Variants in PXN observed in about 807,000 individuals in gnomAD.
PXN encodes paxillin, also known as testicular tissue protein Li 134.
A neutral mutation model predicts 103.6 loss-of-function variants in PXN; 61 were observed. That is an observed-to-expected ratio of 0.59 (90% CI 0.48 to 0.73). The LOEUF is 0.73. Ranked by LOEUF, PXN falls within the 30% of genes least tolerant of loss-of-function variation. The pLI is 0.00. For synonymous variants in PXN, 562 were observed against 607.8 expected (o/e 0.92, Z 1.11); for missense variants, 1,274 against 1,460.3 (o/e 0.87, Z 2.08).
At chr12:120,263,114 C>A (rs773652985) in intron 1 of PXN, among the ~76,000 whole-genome samples, 1 of 152,122 alleles carries the variant, frequency 6.6e-6, no homozygotes, top group Non-Finnish European at 1.5e-5. Flanking sequence ...AGGAGGCACA[C>A]GGCTGAGAGC....
chr12:120,210,973 T>G lies in PXN; in HGVS notation c.*1341A>C, dbSNP rs1252595721. 16 of 152,598 alleles carry G rather than the reference T, an allele frequency of 1.0e-4. No individual in the cohort carries two copies. Among genetic ancestry groups the G allele is most frequent in the Non-Finnish European group, 2.1e-4 (14 of 68,154 alleles). The allele number at this position is 152,598 out of a possible 1,614,324, so 9.5% of individuals were successfully genotyped here. On this transcript the variant is annotated 3_prime_UTR_variant, in exon 15 of 15. Coordinates refer to ENST00000637617, the MANE Select transcript of PXN (RefSeq NM_001385981.1). ...CCACCTGTGAAAGGGGAGGAGCAGATCTGGGGAAGGGATATGCCCAGAGGA... is the reference window on the plus strand; with the variant it reads ...CCACCTGTGAAAGGGGAGGAGCAGAGCTGGGGAAGGGATATGCCCAGAGGA...
chr12:120,230,926 C>T (rs1471912037), intron 1 of PXN, among the ~76,000 whole-genome samples: 1 of 152,202 alleles, frequency 6.6e-6, no homozygotes, highest in African/African-American at 2.4e-5. Context: ...TGTCAACTGT[C>T]TCCTCTCCAA....
intron 1 of PXN, among the ~76,000 whole-genome samples, chr12:120,230,100 A>C (rs1164445339): frequency 6.6e-6 from 1 of 152,120 alleles, no homozygotes; most frequent in African/African-American, 2.4e-5. Flanking sequence ...CTGCAGGCCA[A>C]TTTCACTCAG....
At chr12:120,252,394 A>G (rs946688353) in intron 1 of PXN, among the ~76,000 whole-genome samples, 3 of 152,178 alleles carry the variant, frequency 2.0e-5, no homozygotes, top group Admixed American at 1.3e-4. Flanking sequence ...GAGGGTCAAC[A>G]GGCTGGTTAG....
At chr12:120,246,081 C>G (rs1891052978) in intron 1 of PXN, among the ~76,000 whole-genome samples, 1 of 149,860 alleles carries the variant, frequency 6.7e-6, no homozygotes, top group Non-Finnish European at 1.5e-5. Flanking sequence ...AAAAAATACT[C>G]AATGAATCTA....
In PXN at chr12:120,215,034, C is replaced by T; in HGVS notation, c.2575-36G>A. On this transcript the variant is annotated intron_variant, in intron 11 of 14. Transcript: ENST00000637617. This position sits in a 1 kb window ranked among gnomAD's most constrained non-coding sequence, Gnocchi z 4.9. ...GATGGAATGCGGTCCAGGGCCAAGG[C>T]CAGCCCCGGAGCACCCCCACCCCTG... 1 of 1,605,956 alleles carries T rather than the reference C, an allele frequency of 6.2e-7. No homozygotes were observed. Among genetic ancestry groups the T allele is most frequent in the Non-Finnish European group, 8.5e-7 (1 of 1,176,234 alleles).
Position 120,224,412 on chromosome 12 carries a change from C to T in PXN, c.14-35G>A, listed in dbSNP as rs555015198. ...GAAGGCACGGGTAGCAGGTGAGAACCGGGATCCTGGGGACTCTCCCGTGGC... is the reference window on the plus strand; with the variant it reads ...GAAGGCACGGGTAGCAGGTGAGAACTGGGATCCTGGGGACTCTCCCGTGGC... On this transcript the variant is annotated intron_variant, in intron 1 of 14. Coordinates refer to ENST00000637617, the MANE Select transcript of PXN (RefSeq NM_001385981.1). This position sits in a 1 kb window ranked among gnomAD's most constrained non-coding sequence, Gnocchi z 5.0. 28 of 1,534,744 alleles carry T rather than the reference C, an allele frequency of 1.8e-5. No homozygotes were observed. The East Asian group carries it at 2.7e-4, about 15-fold the overall frequency.
At position 120,212,169 on chromosome 12, in the gene PXN, G is replaced by A; in HGVS notation, c.*145C>T. 1 of 1,245,126 alleles carries A rather than the reference G, an allele frequency of 8.0e-7. No homozygotes were observed. The highest frequency in any genetic ancestry group is 1.1e-6 in the Non-Finnish European group (1 of 889,684). 77.1% of individuals were successfully genotyped at this position (1,245,126 alleles called of 1,614,324 possible). A position where few individuals can be genotyped will look rare whatever the true frequency, so the allele number is the denominator to read the frequency against. On this transcript the variant is annotated 3_prime_UTR_variant, in exon 15 of 15. Coordinates refer to ENST00000637617, the MANE Select transcript of PXN (RefSeq NM_001385981.1). This position sits in a 1 kb window ranked among gnomAD's most constrained non-coding sequence, Gnocchi z 7.2. ...AAGACAAGCAGGGGGACCCCTCACG[G>A]CCCTCTGTCCATCCCGCACCAGCGG...
intron 1 of PXN, among the ~76,000 whole-genome samples, chr12:120,240,876 C>T (rs1890026595): frequency 6.6e-6 from 1 of 152,212 alleles, no homozygotes; most frequent in South Asian, 2.1e-4. Context: ...GGGTGGCCTG[C>T]ACCTGGCCCC....
intron 1 of PXN, among the ~76,000 whole-genome samples, chr12:120,235,613 G>A (rs769522878): frequency 3.9e-5 from 6 of 152,094 alleles, no homozygotes; most frequent in Non-Finnish European, 8.8e-5. Flanking sequence ...AAAAAGGCGG[G>A]CCTGCTGGGT....
chr12:120,259,496 C>T (rs1036602629), intron 1 of PXN, among the ~76,000 whole-genome samples: 1 of 152,174 alleles, frequency 6.6e-6, no homozygotes, highest in Non-Finnish European at 1.5e-5. Context: ...TCCCATAAAA[C>T]CACAATACCA....
rs1283050798 is a variant in PXN at position 120,219,786 on chromosome 12, ACT to A, written c.1135_1136del (p.Gln380GlyfsTer13). On this transcript the variant is annotated frameshift_variant, in exon 7 of 15. Coordinates refer to ENST00000637617, the MANE Select transcript of PXN (RefSeq NM_001385981.1). LOFTEE classifies it high-confidence loss of function. This position sits in a 1 kb window ranked among gnomAD's most constrained non-coding sequence, Gnocchi z 6.5. The part of the protein sequence containing the change: ...EGSLWAVGTE[S>X]QGRDWRHLPT... Reference sequence around the variant, plus strand: ...GCAGGTGCCTCCAATCTCGACCCTGACTCTCTGTGCCCACTGCCCACAGAGAA... The same window carrying A: ...GCAGGTGCCTCCAATCTCGACCCTGACTCTGTGCCCACTGCCCACAGAGAA... 13 of 1,597,430 alleles carry A rather than the reference ACT, an allele frequency of 8.1e-6. No individual in the cohort carries two copies. The highest frequency in any genetic ancestry group is 1.1e-5 in the Non-Finnish European group (13 of 1,179,530).
chr12:120,249,369 G>A (rs933236028), intron 1 of PXN, among the ~76,000 whole-genome samples: 2 of 152,124 alleles, frequency 1.3e-5, no homozygotes, highest in Admixed American at 6.5e-5. Flanking sequence ...AGCACAGAGG[G>A]GGAGTGCAGA....
At position 120,215,363 on chromosome 12, in the gene PXN, G is replaced by A. The variant is rs558332378; in HGVS notation, c.2404-90C>T. The A allele has an allele frequency of 3.0e-5, 44 of 1,488,460 alleles. No individual in the cohort carries two copies. In the African/African-American group the frequency reaches 5.9e-4, roughly 20 times the overall value. The allele number at this position is 1,488,460 out of a possible 1,614,324, so 92.2% of individuals were successfully genotyped here. On this transcript the variant is annotated intron_variant, in intron 10 of 14. Transcript: ENST00000637617. The surrounding 1 kb of genome is among the most constrained non-coding windows in gnomAD (Gnocchi z 4.9). ...GGATGGGGGTACTTTTCTCCCTCCT[G>A]GACAGATGAGCTGATGGAGACAAGA...
Position 120,219,367 on chromosome 12 carries a change from C to T in PXN, c.1556G>A (p.Arg519Lys), listed in dbSNP as rs549218932. The change falls in exon 7 of 15, where the codon AGG becomes AAG. Residue 519 changes from arginine to lysine, a missense_variant. Transcript: ENST00000637617. The surrounding 1 kb of genome is among the most constrained non-coding windows in gnomAD (Gnocchi z 6.5). ...TEQLGAKMTE[R>K]GSVARPTQGP... is the part of the protein sequence containing the mutation. ...CTGGGTTGGCCTGGCCACACTTCCCCTCTCGGTCATCTTTGCACCTAGCTG... is the reference window on the plus strand; with the variant it reads ...CTGGGTTGGCCTGGCCACACTTCCCTTCTCGGTCATCTTTGCACCTAGCTG... 1.3e-6 allele frequency: 2 copies of T among 1,598,460 alleles called. No homozygotes were observed. The highest frequency in any genetic ancestry group is 2.2e-5 in the South Asian group (2 of 91,076).
chr12:120,216,380 G>A lies in PXN; in HGVS notation c.2194C>T (p.Pro732Ser). 2.3e-6 allele frequency: 3 copies of A among 1,322,496 alleles called. No individual in the cohort carries two copies. The highest frequency in any genetic ancestry group is 2.9e-6 in the Non-Finnish European group (3 of 1,042,670). The allele number at this position is 1,322,496 out of a possible 1,614,324, so 81.9% of individuals were successfully genotyped here. The stretch of plus-strand genomic sequence containing the variant: ...GGGCCCTGCACCCCCTCATCATGGG[G>A]CTCTTCCCCTGCACTCTGGACCCCA... The part of the protein sequence containing the change: ...SSGVQSAGEE[P>S]HDEGVQGPAL... The change falls in exon 9 of 15, where the codon CCC becomes TCC. Residue 732 changes from proline (P) to serine (S), a missense_variant. This residue lies in a region of PXN where 1,178 missense variants were observed against 1,309.0 expected (regional missense o/e 0.90). Transcript: ENST00000637617. The surrounding 1 kb of genome is among the most constrained non-coding windows in gnomAD (Gnocchi z 5.1).
chr12:120,244,526 T>C (rs962834476), intron 1 of PXN, among the ~76,000 whole-genome samples: 5 of 151,760 alleles, frequency 3.3e-5, no homozygotes, highest in African/African-American at 1.2e-4. Flanking sequence ...CGGGCGCCTG[T>C]AGTCCCAGCT....
chr12:120,246,957 G>A (rs1030643110), intron 1 of PXN, among the ~76,000 whole-genome samples: 1 of 151,922 alleles, frequency 6.6e-6, no homozygotes, highest in African/African-American at 2.4e-5. Flanking sequence ...GAGCCTAGGA[G>A]TTTGACACTG....
At chr12:120,249,968 A>C in intron 1 of PXN, 3 of 985,500 alleles carry the variant, frequency 3.0e-6, no homozygotes, top group Non-Finnish European at 3.6e-6. Context: ...CTTCCAAGAC[A>C]GGCAGCATGT....
Sources: gnomAD v4.1 joint callset for allele counts (sites outside exome capture counted in the v4.1 genomes callset) on GRCh38, gnomAD v4.1.1 for gene constraint, gnomAD v4.1.1 regional missense constraint, Gnocchi (gnomAD v3.1) non-coding constraint, MANE v1.5 for transcripts, NCBI Gene and HGNC (gene_info 2026-07-23, HGNC 2026-07-21) for gene names.